The following ERG variants were observed in gnomAD, a reference collection of about 807,000 sequenced individuals.
The protein encoded by ERG is transcriptional regulator ERG.
ERG carries 9 observed loss-of-function variants against 55.3 expected under a neutral mutation model. The observed-to-expected ratio is 0.16, with a 90% CI of 0.10 to 0.28. ERG has a LOEUF of 0.28. ERG is among the 10% of genes least tolerant of loss of function. The pLI is 1.00. For missense variants in ERG, 434 were observed against 631.6 expected, an observed-to-expected ratio of 0.69 and a Z score of 3.35; for synonymous variants, 223 against 237.3, an observed-to-expected ratio of 0.94 and a Z score of 0.55.
chr21:38,514,458 C>T (rs1245579478), intron 2 of ERG, among the ~76,000 whole-genome samples: 2 of 151,686 alleles, frequency 1.3e-5, no homozygotes, highest in African/African-American at 2.4e-5. Context: ...AAGCTTGTTT[C>T]AATCAAATAA....
intron 3 of ERG, among the ~76,000 whole-genome samples, chr21:38,421,279 G>A (rs974705173): frequency 4.6e-5 from 7 of 152,218 alleles, no homozygotes; most frequent in African/African-American, 1.4e-4. Flanking sequence ...TCTCCCTTTC[G>A]TAATCTACCA....
chr21:38,586,953 C>T (rs1322015845), upstream of ERG, among the ~76,000 whole-genome samples: 1 of 152,184 alleles, frequency 6.6e-6, no homozygotes, highest in Admixed American at 6.5e-5. Context: ...GAACACTATT[C>T]AGCATTTAGA....
chr21:38,374,979 C>A, the ERG span, among the ~76,000 whole-genome samples: 1 of 152,106 alleles, frequency 6.6e-6, no homozygotes, highest in Non-Finnish European at 1.5e-5. Flanking sequence ...AAAACCCTTC[C>A]CTTTCTGAAA....
At chr21:38,418,393 C>A (rs1989382471) in intron 3 of ERG, among the ~76,000 whole-genome samples, 1 of 151,626 alleles carries the variant, frequency 6.6e-6, no homozygotes, top group African/African-American at 2.4e-5. Context: ...CTCAAAGAAT[C>A]CTCCCGCCTC....
chr21:38,645,034 T>C lies in ERG; in HGVS notation c.-150+16624A>G, dbSNP rs1601348471. On this transcript the variant is annotated intron_variant, in intron 1 of 10. Coordinates refer to the ERG transcript ENST00000398910. ...CTTAGCCGGGCATGGCAGCATGCAC[T>C]TGTAGTCCCAGCTACTTGGGAGGCT... 3.3e-5 allele frequency among the ~76,000 whole-genome samples: 5 copies of C among 152,198 alleles called. No homozygotes were observed. The South Asian group carries it at 1.0e-3, about 32-fold the overall frequency.
At chr21:38,461,428 C>G (rs558604956) in intron 1 of ERG, among the ~76,000 whole-genome samples, 1 of 152,330 alleles carries the variant, frequency 6.6e-6, no homozygotes, top group African/African-American at 2.4e-5. Flanking sequence ...GTTAGGACTT[C>G]AACATAACTC....
At chr21:38,592,810 T>C (rs2060108945) in intron 1 of ERG, among the ~76,000 whole-genome samples, 1 of 152,222 alleles carries the variant, frequency 6.6e-6, no homozygotes, top group South Asian at 2.1e-4. Flanking sequence ...GAGCCATGTA[T>C]TGGCCATGAC....
At chr21:38,461,837 T>C (rs2059045734) in intron 1 of ERG, among the ~76,000 whole-genome samples, 1 of 152,250 alleles carries the variant, frequency 6.6e-6, no homozygotes, top group African/African-American at 2.4e-5. Flanking sequence ...GAAGTTTCAC[T>C]CTTGTCACCC....
chr21:38,441,471 C>T (rs1039695665), intron 2 of ERG, among the ~76,000 whole-genome samples: 2 of 152,098 alleles, frequency 1.3e-5, no homozygotes, highest in African/African-American at 4.8e-5. Flanking sequence ...TCAGACCTGC[C>T]CACTCCCACA....
the ERG span, among the ~76,000 whole-genome samples, chr21:38,373,479 T>C: frequency 2.6e-4 from 40 of 152,216 alleles, no homozygotes; most frequent in Admixed American, 2.4e-3. Flanking sequence ...TCTGTAAATA[T>C]ACAAACCAAC....
At chr21:38,647,291 C>T (rs749514798) in intron 1 of ERG, among the ~76,000 whole-genome samples, 76 of 152,256 alleles carry the variant, frequency 5.0e-4, no homozygotes, top group African/African-American at 8.9e-4. Flanking sequence ...TCTAAGGTCA[C>T]GTACGGGCAT....
rs1252037335 is a variant in ERG at position 38,382,719 on chromosome 21, A to G, written c.*684T>C. ...CTTCTTCACCCCTCTGTCTACAATC[A>G]CACGCTCACTCTATACACATCCTCA... On this transcript the variant is annotated 3_prime_UTR_variant, in exon 10 of 10. Transcript: ENST00000288319. The G allele has an allele frequency of 1.9e-6, 2 of 1,066,458 alleles. No homozygotes were observed. Among genetic ancestry groups the G allele is most frequent in the Non-Finnish European group, 2.3e-6 (2 of 879,904 alleles). 66.1% of individuals were successfully genotyped at this position (1,066,458 alleles called of 1,614,324 possible).
chr21:38,428,939 C>T (rs561668405), intron 2 of ERG, among the ~76,000 whole-genome samples: 8 of 152,136 alleles, frequency 5.3e-5, no homozygotes, highest in South Asian at 4.2e-4. Flanking sequence ...TCTGGTTACA[C>T]GAATAAGTTC....
intron 2 of ERG, among the ~76,000 whole-genome samples, chr21:38,542,477 A>G (rs2059760170): frequency 6.6e-6 from 1 of 152,208 alleles, no homozygotes; most frequent in Non-Finnish European, 1.5e-5. Flanking sequence ...TGACATCATG[A>G]CCATGTCAGG....
At position 38,423,405 on chromosome 21, in the gene ERG, C is replaced by T. The variant is rs779662127; in HGVS notation, c.388+5G>A. 6.2e-7 allele frequency: 1 copy of T among 1,610,880 alleles called. No individual in the cohort carries two copies. Among genetic ancestry groups the T allele is most frequent in the Non-Finnish European group, 8.5e-7 (1 of 1,177,848 alleles). ...CCGAGGGCAGTGAAGCTGTGGGCAC[C>T]TGACCTGCTGGCACGATAACTCTGC... On this transcript the variant is annotated splice_donor_5th_base_variant and intron_variant, in intron 3 of 9. Transcript: ENST00000288319.
At chr21:38,654,001 T>C (rs991882775) in intron 1 of ERG, among the ~76,000 whole-genome samples, 12 of 152,256 alleles carry the variant, frequency 7.9e-5, no homozygotes, top group Non-Finnish European at 5.9e-5. Flanking sequence ...CACATACTTA[T>C]GAAATGATTT....
At chr21:38,452,516 G>A (rs544544462) in intron 1 of ERG, among the ~76,000 whole-genome samples, 1 of 152,250 alleles carries the variant, frequency 6.6e-6, no homozygotes, top group South Asian at 2.1e-4. Context: ...ATAATAAGGA[G>A]AGATGAAAAT....
chr21:38,423,803 T>C (rs1407659753), intron 2 of ERG, among the ~76,000 whole-genome samples: 1 of 151,948 alleles, frequency 6.6e-6, no homozygotes, highest in Non-Finnish European at 1.5e-5. Context: ...CTGGCCAACA[T>C]GGTGAAACCC....
chr21:38,635,386 C>T (rs1415561895), intron 1 of ERG, among the ~76,000 whole-genome samples: 1 of 151,850 alleles, frequency 6.6e-6, no homozygotes, highest in Non-Finnish European at 1.5e-5. Context: ...TAATGATGTG[C>T]CAACCTAGAT....
Sources: allele counts gnomAD v4.1 joint callset (sites outside exome capture counted in the v4.1 genomes callset), GRCh38; gene constraint gnomAD v4.1.1; transcripts MANE v1.5; gene names NCBI Gene and HGNC (gene_info 2026-07-23, HGNC 2026-07-21).